The following BCAR3 variants were observed in gnomAD, a reference collection of about 807,000 sequenced individuals.
BCAR3 encodes the protein BCAR3 adaptor protein, NSP family member, also known as breast cancer anti-estrogen resistance protein 3.
Under a neutral mutation model 80.1 loss-of-function variants are expected in BCAR3, and 37 were observed. That is an observed-to-expected ratio of 0.46 (90% CI 0.36 to 0.61). The LOEUF (loss-of-function observed/expected upper bound fraction) is 0.61. Among genes scored for constraint, BCAR3 ranks in the 20% least tolerant of loss-of-function variants. BCAR3 has a pLI of 0.00. For synonymous variants in BCAR3, 389 were observed against 418.9 expected, an observed-to-expected ratio of 0.93 and a Z score of 0.87; for missense variants, 978 against 1,068.2, an observed-to-expected ratio of 0.92 and a Z score of 1.18.
upstream of BCAR3, among the ~76,000 whole-genome samples, chr1:93,683,839 T>C (rs1361157723): frequency 1.3e-5 from 2 of 152,266 alleles, no homozygotes; most frequent in South Asian, 4.1e-4. Flanking sequence ...TTCTATTTAT[T>C]AATCCATGTC....
chr1:93,734,626 T>G (rs1650912468), intron 2 of BCAR3, among the ~76,000 whole-genome samples: 1 of 152,098 alleles, frequency 6.6e-6, no homozygotes, highest in African/African-American at 2.4e-5. Context: ...AACCATCTAG[T>G]GCAGAGGCTG....
At chr1:93,702,132 A>G (rs979195013) in intron 3 of BCAR3, among the ~76,000 whole-genome samples, 3 of 152,170 alleles carry the variant, frequency 2.0e-5, no homozygotes, top group Non-Finnish European at 4.4e-5. Context: ...TCTCAGGGCC[A>G]GCATACCTAC....
At chr1:93,697,487 G>A (rs1389349558) in intron 3 of BCAR3, among the ~76,000 whole-genome samples, 4 of 152,296 alleles carry the variant, frequency 2.6e-5, no homozygotes, top group African/African-American at 4.8e-5. Context: ...ACTTGGGGAC[G>A]CACTCTCTTG....
At position 93,674,941 on chromosome 1, in the gene BCAR3, T is replaced by C. The variant is rs1648403244; in HGVS notation, c.-11A>G. The C allele has an allele frequency of 3.3e-6, 5 of 1,531,402 alleles. No individual in the cohort carries two copies. The highest frequency in any genetic ancestry group is 4.6e-5 in the Admixed American group (2 of 43,384). The allele number at this position is 1,531,402 out of a possible 1,614,324, so 94.9% of individuals were successfully genotyped here. A position where few individuals can be genotyped will look rare whatever the true frequency, so the allele number is the denominator to read the frequency against. On this transcript the variant is annotated splice_region_variant and 5_prime_UTR_variant, in exon 2 of 12. Coordinates refer to ENST00000260502, the MANE Select transcript of BCAR3 (RefSeq NM_003567.4). ...TTTTCCTGCAGCCATAATTCTCAACTCTAAGGGGGAAAGAAAAGAGTGAAG... is the reference window on the plus strand; with the variant it reads ...TTTTCCTGCAGCCATAATTCTCAACCCTAAGGGGGAAAGAAAAGAGTGAAG...
chr1:93,752,582 A>C (rs895864456), intron 2 of BCAR3, among the ~76,000 whole-genome samples: 1 of 152,248 alleles, frequency 6.6e-6, no homozygotes. Flanking sequence ...AGAATGAGCA[A>C]AGAGTGGATT....
chr1:93,687,091 C>T (rs1376772203), intron 3 of BCAR3, among the ~76,000 whole-genome samples: 1 of 152,078 alleles, frequency 6.6e-6, no homozygotes, highest in Non-Finnish European at 1.5e-5. Context: ...TCTGGTTTTG[C>T]CTTTGTTTTG....
intron 3 of BCAR3, among the ~76,000 whole-genome samples, chr1:93,595,563 G>A (rs569574806): frequency 6.6e-6 from 1 of 152,328 alleles, no homozygotes; most frequent in Non-Finnish European, 1.5e-5. Context: ...GTTATTTTGG[G>A]AGTGGAAACC....
chr1:93,728,426 G>C (rs1356953484), intron 2 of BCAR3, among the ~76,000 whole-genome samples: 1 of 152,234 alleles, frequency 6.6e-6, no homozygotes, highest in Non-Finnish European at 1.5e-5. Context: ...GGCGACTTGT[G>C]TTAACCAGTT....
chr1:93,845,383 A>G (rs1299590808), intron 2 of BCAR3, among the ~76,000 whole-genome samples: 1 of 151,124 alleles, frequency 6.6e-6, no homozygotes, highest in Non-Finnish European at 1.5e-5. Context: ...TTCCATTTTA[A>G]AGGCTAATTT....
chr1:93,686,614 G>A (rs1648981229), upstream of BCAR3, among the ~76,000 whole-genome samples: 1 of 152,142 alleles, frequency 6.6e-6, no homozygotes, highest in Non-Finnish European at 1.5e-5. Flanking sequence ...GATTTAAATG[G>A]CAGAACCAAA....
intron 2 of BCAR3, among the ~76,000 whole-genome samples, chr1:93,731,072 AG>A (rs1650770349): frequency 6.6e-6 from 1 of 152,212 alleles, no homozygotes; most frequent in Non-Finnish European, 1.5e-5. Flanking sequence ...ATGAAAACCA[AG>A]GGACAATCTA....
In BCAR3 at chr1:93,562,208, G is replaced by C. The variant is rs1672702697; in HGVS notation, c.*33C>G. 3 of 1,578,310 alleles carry C rather than the reference G, an allele frequency of 1.9e-6. No homozygotes were observed. Among genetic ancestry groups the C allele is most frequent in the Non-Finnish European group, 2.6e-6 (3 of 1,159,868 alleles). On this transcript the variant is annotated 3_prime_UTR_variant, in exon 12 of 12. Transcript: ENST00000260502. ...CCCAAAGATGAAGCTGGGGAAACTT[G>C]AAAAGATATTCTAAAGGTTCTCTGG...
chr1:93,747,509 C>A (rs116586655), intron 2 of BCAR3, among the ~76,000 whole-genome samples: 1 of 151,640 alleles, frequency 6.6e-6, no homozygotes, highest in Admixed American at 6.6e-5. Flanking sequence ...TGAGATTAAA[C>A]GAACCTTGAA....
intron 2 of BCAR3, among the ~76,000 whole-genome samples, chr1:93,672,467 G>A (rs935029857): frequency 1.3e-5 from 2 of 152,148 alleles, no homozygotes; most frequent in African/African-American, 4.8e-5. Flanking sequence ...GTTAATAAAT[G>A]AAAAGCGGTC....
intron 4 of BCAR3, 33 bp from the exon 5 acceptor site, chr1:93,589,452 A>G: frequency 6.4e-7 from 1 of 1,564,318 alleles, no homozygotes; most frequent in Non-Finnish European, 8.7e-7. Context: ...AGGAGTAGGA[A>G]AGGCAAATTC....
At chr1:93,635,518 T>A (rs1451478245) in intron 3 of BCAR3, among the ~76,000 whole-genome samples, 1 of 152,198 alleles carries the variant, frequency 6.6e-6, no homozygotes, top group Admixed American at 6.5e-5. Flanking sequence ...CCTCAGCATT[T>A]TTAATAACTG....
intron 2 of BCAR3, among the ~76,000 whole-genome samples, chr1:93,708,861 G>A (rs1649916380): frequency 6.6e-6 from 1 of 152,208 alleles, no homozygotes; most frequent in Non-Finnish European, 1.5e-5. Context: ...CAGGCAGGAG[G>A]AGGTTGGCAG....
At chr1:93,562,624 A>G (rs541418985) in intron 11 of BCAR3, among the ~76,000 whole-genome samples, 1 of 152,020 alleles carries the variant, frequency 6.6e-6, no homozygotes, top group African/African-American at 2.4e-5. Context: ...ACAAAAAATT[A>G]GCCAGGCGTG....
At chr1:93,645,159 A>T (rs1341929503) in intron 2 of BCAR3, among the ~76,000 whole-genome samples, 2 of 152,160 alleles carry the variant, frequency 1.3e-5, no homozygotes, top group African/African-American at 4.8e-5. Context: ...CACAATGTGC[A>T]GCAACCCTGC....
Sources: allele counts gnomAD v4.1 joint callset (sites outside exome capture counted in the v4.1 genomes callset), GRCh38; gene constraint gnomAD v4.1.1; transcripts MANE v1.5; gene names NCBI Gene and HGNC (gene_info 2026-07-23, HGNC 2026-07-21).